Variants in TMEM165 observed in about 807,000 individuals in gnomAD.
The protein encoded by TMEM165 is transmembrane protein 165, also known as putative divalent cation/proton antiporter TMEM165.
TMEM165 carries 19 observed loss-of-function variants against 30.0 expected under a neutral mutation model. That is an observed-to-expected ratio of 0.63 (90% confidence interval 0.44 to 0.93). The LOEUF (loss-of-function observed/expected upper bound fraction) is 0.93, where lower values mean the gene tolerates loss of function less well. TMEM165 is among the 40% of genes least tolerant of loss of function. TMEM165 has a pLI of 0.00. For synonymous variants in TMEM165, 168 were observed against 162.9 expected, an observed-to-expected ratio of 1.03 and a Z score of -0.24; for missense variants, 340 against 417.0, an observed-to-expected ratio of 0.82 and a Z score of 1.61.
chr4:55,416,969 C>G, intron 2 of TMEM165, 103 bp from the exon 3 acceptor site: 2 of 996,288 alleles, frequency 2.0e-6, no homozygotes. Context: ...CTAATGTGAA[C>G]CATTTTTCTT....
At chr4:55,425,022 A>G (rs1158224331) in intron 5 of TMEM165, among the ~76,000 whole-genome samples, 1 of 152,222 alleles carries the variant, frequency 6.6e-6, no homozygotes, top group East Asian at 1.9e-4. Context: ...TTAGGTCTAG[A>G]GATGGAAGAA....
intron 3 of TMEM165, among the ~76,000 whole-genome samples, chr4:55,450,644 T>G (rs528152284): frequency 7.9e-5 from 12 of 152,102 alleles, no homozygotes; most frequent in Non-Finnish European, 1.6e-4. Context: ...GGCAGATGCC[T>G]TGTGATCCCA....
At chr4:55,425,277 G>T in intron 5 of TMEM165, 99 bp from the exon 6 acceptor site, 2 of 916,930 alleles carry the variant, frequency 2.2e-6, no homozygotes, top group Non-Finnish European at 1.7e-6. Context: ...TTAATAGATT[G>T]GAAGAATAAT....
chr4:55,446,252 C>G (rs924995665), intron 3 of TMEM165, among the ~76,000 whole-genome samples: 3 of 151,970 alleles, frequency 2.0e-5, no homozygotes, highest in Admixed American at 2.0e-4. Context: ...TGCCACCATG[C>G]CCGGCTAATG....
chr4:55,433,359 G>C (rs1307514318), intron 3 of TMEM165: 2 of 152,482 alleles, frequency 1.3e-5, no homozygotes, highest in African/African-American at 4.8e-5. Flanking sequence ...AATTTTCTTT[G>C]GTTGTTTTCT....
intron 3 of TMEM165, among the ~76,000 whole-genome samples, chr4:55,451,560 G>A (rs1724459013): frequency 6.6e-6 from 1 of 152,116 alleles, no homozygotes; most frequent in South Asian, 2.1e-4. Context: ...TAAACCCCAG[G>A]GGGATCATGA....
intron 3 of TMEM165, chr4:55,438,351 C>T (rs2109647433): frequency 6.2e-7 from 1 of 1,614,014 alleles, no homozygotes; most frequent in Non-Finnish European, 8.5e-7. Context: ...TGAGCTGCTG[C>T]TCCTGGGAGC....
chr4:55,451,822 G>GA (rs1268809954), intron 3 of TMEM165, among the ~76,000 whole-genome samples: 2 of 152,010 alleles, frequency 1.3e-5, no homozygotes, highest in Non-Finnish European at 2.9e-5. Context: ...AACCTCTTTG[G>GA]AAAAGTTCTT....
At chr4:55,415,910 A>G (rs1042137436) in intron 2 of TMEM165, 1 of 151,408 alleles carries the variant, frequency 6.6e-6, no homozygotes, top group Admixed American at 6.6e-5. Context: ...GCTGGGATGC[A>G]GTGGCATGAT....
chr4:55,425,295 C>A, intron 5 of TMEM165, 81 bp from the exon 6 acceptor site: 1 of 1,167,416 alleles, frequency 8.6e-7, no homozygotes, highest in South Asian at 1.4e-5. Flanking sequence ...AATTGGCCGC[C>A]TCATCGGCTC....
At chr4:55,417,772 C>T in intron 3 of TMEM165, 31 bp from the exon 4 acceptor site, 1 of 1,527,784 alleles carries the variant, frequency 6.5e-7, no homozygotes, top group South Asian at 1.3e-5. Flanking sequence ...GCTTCCTGTG[C>T]TTACTTTCAT....
At chr4:55,400,687 C>T (rs1340777792) in intron 1 of TMEM165, among the ~76,000 whole-genome samples, 4 of 149,466 alleles carry the variant, frequency 2.7e-5, no homozygotes, top group African/African-American at 5.1e-5. Flanking sequence ...CCGCCTGCCT[C>T]GGCCTCCCAA....
intron 1 of TMEM165, chr4:55,403,237 G>T (rs760931475): frequency 1.6e-4 from 200 of 1,287,114 alleles, no homozygotes; most frequent in Middle Eastern, 2.1e-4. Flanking sequence ...TTTTTGCAGG[G>T]ACATCAGTTT....
chr4:55,444,122 T>TA (rs1187411283), intron 3 of TMEM165, among the ~76,000 whole-genome samples: 3 of 152,330 alleles, frequency 2.0e-5, no homozygotes, highest in South Asian at 2.1e-4. Context: ...TAACTAGTGT[T>TA]AGTCTGTGGA....
intron 4 of TMEM165, 111 bp downstream of exon 4, chr4:55,418,096 G>C (rs1382091628): frequency 4.9e-6 from 5 of 1,026,978 alleles, no homozygotes; most frequent in Non-Finnish European, 6.9e-6. Context: ...TCATATGCAA[G>C]ACTGTTTTAC....
chr4:55,420,106 A>AAAAAAAAATATATATATATATAT (rs1474254120), intron 4 of TMEM165, among the ~76,000 whole-genome samples: 1 of 45,464 alleles, frequency 2.2e-5, no homozygotes, highest in South Asian at 2.0e-3. Flanking sequence ...AAGAAAAAAA[A>AAAAAAAAATATATATATATATAT]ATATATATAT....
intron 4 of TMEM165, among the ~76,000 whole-genome samples, chr4:55,418,605 T>C (rs1296180856): frequency 6.6e-6 from 1 of 152,152 alleles, no homozygotes; most frequent in East Asian, 1.9e-4. Context: ...ATAATTATTG[T>C]AACTTAGTAA....
intron 3 of TMEM165, chr4:55,449,480 G>A: frequency 6.2e-7 from 1 of 1,613,980 alleles, no homozygotes; most frequent in African/African-American, 1.3e-5. Context: ...TATCCGTCGG[G>A]ATCTTGGTTG....
At chr4:55,419,326 G>A (rs753255891) in intron 4 of TMEM165, among the ~76,000 whole-genome samples, 3 of 151,988 alleles carry the variant, frequency 2.0e-5, no homozygotes, top group African/African-American at 7.2e-5. Flanking sequence ...GGAACTTTTT[G>A]TTCAAAAAGT....
Sources: gnomAD v4.1 joint callset for allele counts (sites outside exome capture counted in the v4.1 genomes callset) on GRCh38, gnomAD v4.1.1 for gene constraint, MANE v1.5 for transcripts, NCBI Gene and HGNC (gene_info 2026-07-23, HGNC 2026-07-21) for gene names.